Variants in PTPRD observed in about 807,000 individuals in gnomAD.
PTPRD encodes the protein receptor-type tyrosine-protein phosphatase delta.
Under a neutral mutation model 214.5 loss-of-function variants are expected in PTPRD, and 34 were observed. That is an observed-to-expected ratio of 0.16 (90% CI 0.12 to 0.21). The LOEUF (loss-of-function observed/expected upper bound fraction) is 0.21. Ranked by LOEUF, PTPRD falls within the 10% of genes least tolerant of loss-of-function variation. The probability of loss-of-function intolerance (pLI) is 1.00; values close to 1 mark genes in which losing one functional copy is unlikely to be tolerated. For missense variants in PTPRD, 2,545 were observed against 2,398.7 expected, an observed-to-expected ratio of 1.06 and a Z score of -1.27; for synonymous variants, 1,128 against 845.7, an observed-to-expected ratio of 1.33 and a Z score of -5.79.
intron 14 of PTPRD, among the ~76,000 whole-genome samples, chr9:8,599,152 T>C (rs2094654377): frequency 6.6e-6 from 1 of 152,144 alleles, no homozygotes; most frequent in Non-Finnish European, 1.5e-5. Flanking sequence ...CTGCATACAT[T>C]CTCTTGCATT....
At chr9:9,101,292 T>A (rs2154441406) in intron 10 of PTPRD, among the ~76,000 whole-genome samples, 1 of 152,198 alleles carries the variant, frequency 6.6e-6, no homozygotes, top group East Asian at 1.9e-4. Context: ...TGGAAGAAAT[T>A]TGGGATATTA....
At chr9:9,130,223 A>G (rs2099840540) in intron 10 of PTPRD, among the ~76,000 whole-genome samples, 1 of 152,164 alleles carries the variant, frequency 6.6e-6, no homozygotes, top group Non-Finnish European at 1.5e-5. Flanking sequence ...ATCTTGAAAT[A>G]TTTACCCAAA....
At chr9:8,495,970 G>A (rs190637030) in intron 26 of PTPRD, among the ~76,000 whole-genome samples, 1 of 152,150 alleles carries the variant, frequency 6.6e-6, no homozygotes, top group Admixed American at 6.5e-5. Flanking sequence ...TTTTTAGCTT[G>A]ACTCTTCTGG....
rs138218113 is a variant in PTPRD at position 10,374,116 on chromosome 9, G to C, written c.-599-33099C>G. On this transcript the variant is annotated intron_variant, in intron 2 of 45. Coordinates refer to ENST00000381196, the MANE Select transcript of PTPRD (RefSeq NM_002839.4). ...AGTTATGTATAAGTAGGAATCCTTA[G>C]GAAAGCCCTTTTGAGGGTCCTCTTT... 3.9e-3 allele frequency among the ~76,000 whole-genome samples: 587 copies of C among 152,148 alleles called. 3 individuals carry two copies. The highest frequency in any genetic ancestry group is 5.1e-3 in the Non-Finnish European group (350 of 67,976).
intron 12 of PTPRD, among the ~76,000 whole-genome samples, chr9:8,676,088 G>A (rs35353913): frequency 0.03 from 4,505 of 152,158 alleles, 103 homozygotes; most frequent in South Asian, 0.049. Flanking sequence ...ACTATCTCCA[G>A]GTCCCTGAAT....
intron 2 of PTPRD, among the ~76,000 whole-genome samples, chr9:10,431,554 T>C (rs1465599886): frequency 6.6e-6 from 1 of 151,174 alleles, no homozygotes; most frequent in Non-Finnish European, 1.5e-5. Context: ...AGGGCTAATA[T>C]CCAGAATCTA....
Position 9,547,796 on chromosome 9 carries a change from T to TCACACACACACACACACA in PTPRD, c.-237+26918_-237+26935dup, listed in dbSNP as rs35772205. ...TAAGAAAGCTCAAATAAACACAAAT[T>TCACACACACACACACACA]CACACACACACACACACACACACAC... is the stretch of plus-strand genomic sequence containing the variant. On this transcript the variant is annotated intron_variant, in intron 8 of 45. Coordinates refer to ENST00000381196, the MANE Select transcript of PTPRD (RefSeq NM_002839.4). Among the ~76,000 whole-genome samples, 941 of 142,434 alleles carry TCACACACACACACACACA rather than the reference T, an allele frequency of 6.6e-3. 6 individuals are homozygous for TCACACACACACACACACA. Among genetic ancestry groups the TCACACACACACACACACA allele is most frequent in the African/African-American group, 0.018 (702 of 39,068 alleles). The allele number at this position is 142,434 out of a possible 152,430, so 93.4% of individuals were successfully genotyped here. A position where few individuals can be genotyped will look rare whatever the true frequency, so the allele number is the denominator to read the frequency against.
chr9:8,760,655 A>G lies in PTPRD; in HGVS notation c.-103-26709T>C, dbSNP rs2094356807. Among the ~76,000 whole-genome samples, 5 of 150,874 alleles carry G rather than the reference A, an allele frequency of 3.3e-5. No homozygotes were observed. In the South Asian group the frequency reaches 1.0e-3, roughly 32 times the overall value. On this transcript the variant is annotated intron_variant, in intron 11 of 45. Transcript: ENST00000381196. Reference sequence around the variant, plus strand: ...CGGTGGGGGGATGTATGCATGTTTTATGGAGGTGCCTAGTCTGGCTAGCAG... The same window carrying G: ...CGGTGGGGGGATGTATGCATGTTTTGTGGAGGTGCCTAGTCTGGCTAGCAG...
chr9:10,317,120 T>C (rs1387148236), intron 3 of PTPRD, among the ~76,000 whole-genome samples: 1 of 151,952 alleles, frequency 6.6e-6, no homozygotes, highest in Admixed American at 6.6e-5. Flanking sequence ...CTATTGAGCC[T>C]AACATTTTGA....
At chr9:8,988,124 G>A (rs1027948261) in intron 11 of PTPRD, among the ~76,000 whole-genome samples, 2 of 151,862 alleles carry the variant, frequency 1.3e-5, no homozygotes, top group East Asian at 3.9e-4. Context: ...AAGATAGGAA[G>A]GCATTTCAAG....
intron 8 of PTPRD, among the ~76,000 whole-genome samples, chr9:9,554,753 C>T (rs1569569229): frequency 6.6e-6 from 1 of 152,060 alleles, no homozygotes; most frequent in South Asian, 2.1e-4. Context: ...GAAACGTCAA[C>T]ACTTCTTAAC....
chr9:9,411,793 T>G (rs1030701790), intron 8 of PTPRD, among the ~76,000 whole-genome samples: 20 of 151,946 alleles, frequency 1.3e-4, no homozygotes, highest in Non-Finnish European at 2.9e-5. Flanking sequence ...TTCAGCACTA[T>G]GCACACACAA....
intron 11 of PTPRD, among the ~76,000 whole-genome samples, chr9:8,757,744 T>C (rs2094125526): frequency 6.6e-6 from 1 of 151,492 alleles, no homozygotes; most frequent in South Asian, 2.1e-4. Flanking sequence ...AGCAATGAGC[T>C]GTCATGTGGA....
chr9:8,389,393 C>T lies in PTPRD; in HGVS notation c.4225G>A (p.Asp1409Asn), dbSNP rs2135667939. 6.2e-7 allele frequency: 1 copy of T among 1,608,370 alleles called. No homozygotes were observed. The highest frequency in any genetic ancestry group is 1.1e-5 in the South Asian group (1 of 89,920). ...TCTATGTAGTTGGCATTCACATAGT[C>T]ACTTCCTGGGATCCCTGGAAAACAA... ...LSAIEGIPGS[D>N]YVNANYIDGY... The change falls in exon 37 of 46, where the codon GAC becomes AAC. Residue 1409 changes from aspartate to asparagine, a missense_variant. Coordinates refer to ENST00000381196, the MANE Select transcript of PTPRD (RefSeq NM_002839.4).
intron 7 of PTPRD, among the ~76,000 whole-genome samples, chr9:9,681,084 G>A (rs1316663999): frequency 2.0e-5 from 3 of 151,740 alleles, no homozygotes; most frequent in African/African-American, 7.3e-5. Flanking sequence ...TTCAAAATAA[G>A]CATATGTTAG....
At chr9:10,097,477 G>A (rs897033389) in intron 3 of PTPRD, among the ~76,000 whole-genome samples, 4 of 151,334 alleles carry the variant, frequency 2.6e-5, no homozygotes, top group African/African-American at 9.7e-5. Flanking sequence ...TGAATTCCTA[G>A]GTATTTTATT....
chr9:8,502,827 A>G (rs1484652673), intron 23 of PTPRD, among the ~76,000 whole-genome samples: 1 of 145,976 alleles, frequency 6.9e-6, no homozygotes, highest in Non-Finnish European at 1.5e-5. Flanking sequence ...TAAAAAGTCT[A>G]TTCAATATGT....
chr9:10,057,841 CA>C (rs1315155697), intron 3 of PTPRD, among the ~76,000 whole-genome samples: 3 of 70,224 alleles, frequency 4.3e-5, no homozygotes, highest in East Asian at 9.8e-4. Flanking sequence ...GACTCCGTCT[CA>C]AAAAAAAACA....
intron 3 of PTPRD, among the ~76,000 whole-genome samples, chr9:10,162,992 C>G (rs2099138306): frequency 6.6e-6 from 1 of 150,712 alleles, no homozygotes. Flanking sequence ...ATATCTGTAT[C>G]TATCTACTAC....
Sources: gnomAD v4.1 joint callset for allele counts (sites outside exome capture counted in the v4.1 genomes callset) on GRCh38, gnomAD v4.1.1 for gene constraint, MANE v1.5 for transcripts, NCBI Gene and HGNC (gene_info 2026-07-23, HGNC 2026-07-21) for gene names.